The following IGF2BP3 variants were observed in gnomAD, a reference collection of about 807,000 sequenced individuals.
The protein encoded by IGF2BP3 is insulin like growth factor 2 mRNA binding protein 3, also known as insulin-like growth factor 2 mRNA-binding protein 3.
IGF2BP3 carries 9 observed loss-of-function variants against 73.8 expected under a neutral mutation model. The observed-to-expected ratio is 0.12, with a 90% CI of 0.07 to 0.21. The LOEUF is 0.21. Ranked by LOEUF, IGF2BP3 falls within the 10% of genes least tolerant of loss-of-function variation. The pLI, the probability that IGF2BP3 is intolerant of heterozygous loss-of-function variation, is 1.00. For missense variants in IGF2BP3, 542 were observed against 714.0 expected (o/e 0.76, Z 2.75); for synonymous variants, 258 against 256.7 (o/e 1.01, Z -0.05).
At chr7:23,401,370 A>G (rs1380973671) in intron 3 of IGF2BP3, among the ~76,000 whole-genome samples, 1 of 152,188 alleles carries the variant, frequency 6.6e-6, no homozygotes, top group Non-Finnish European at 1.5e-5. Flanking sequence ...GGAGTCTGAT[A>G]ATCCAGGACC....
At chr7:23,332,030 C>A (rs1025737034) in intron 10 of IGF2BP3, among the ~76,000 whole-genome samples, 1 of 151,828 alleles carries the variant, frequency 6.6e-6, no homozygotes, top group African/African-American at 2.4e-5. Flanking sequence ...CACCTTTAAA[C>A]CCTTAGATTT....
At chr7:23,326,444 T>C (rs1324019023) in intron 10 of IGF2BP3, among the ~76,000 whole-genome samples, 2 of 151,374 alleles carry the variant, frequency 1.3e-5, no homozygotes, top group South Asian at 2.1e-4. Flanking sequence ...TGTGGAGAAA[T>C]AGGAACACTT....
chr7:23,454,492 A>G (rs1788270786), intron 2 of IGF2BP3, among the ~76,000 whole-genome samples: 1 of 152,222 alleles, frequency 6.6e-6, no homozygotes, highest in Admixed American at 6.5e-5. Context: ...TGGTAAACAC[A>G]CAAACTTATT....
chr7:23,394,811 A>T (rs988192583), intron 3 of IGF2BP3: 1 of 152,278 alleles, frequency 6.6e-6, no homozygotes, highest in African/African-American at 2.4e-5. Context: ...TTGCTTGTTT[A>T]GTTAAGCAAG....
chr7:23,396,760 A>G lies in IGF2BP3; in HGVS notation c.285+22016T>C, dbSNP rs180965438. Among the ~76,000 whole-genome samples the G allele has an allele frequency of 5.4e-4, 82 of 152,306 alleles. No homozygotes were observed. The East Asian group carries it at 0.011, about 20-fold the overall frequency. ...AGAAAATGTATGCAAAAAGTCCTGA[A>G]GCTAAGAGAAGGATGGGGTTGAGGA... On this transcript the variant is annotated intron_variant, in intron 3 of 14. Transcript: ENST00000258729.
intron 11 of IGF2BP3, 42 bp downstream of exon 11, chr7:23,319,096 C>T: frequency 8.2e-7 from 1 of 1,215,888 alleles, no homozygotes; most frequent in Non-Finnish European, 1.2e-6. Flanking sequence ...ATTTCTGTAA[C>T]TTACTTAAAG....
At chr7:23,430,452 C>T (rs1387896126) in intron 2 of IGF2BP3, among the ~76,000 whole-genome samples, 8 of 152,218 alleles carry the variant, frequency 5.3e-5, no homozygotes. Context: ...AGCCTTATGG[C>T]TCAAAGCAGT....
chr7:23,369,787 T>C (rs1785490119), intron 3 of IGF2BP3, among the ~76,000 whole-genome samples: 1 of 152,074 alleles, frequency 6.6e-6, no homozygotes, highest in African/African-American at 2.4e-5. Context: ...ACATACCAGA[T>C]ATATCCCCAC....
chr7:23,360,522 T>G (rs1785199437), intron 5 of IGF2BP3, among the ~76,000 whole-genome samples: 2 of 152,240 alleles, frequency 1.3e-5, no homozygotes, highest in African/African-American at 4.8e-5. Flanking sequence ...TATGTGCATC[T>G]TCAAATCTTT....
rs1215064597 is a variant in IGF2BP3 at position 23,310,901 on chromosome 7, A to T, written c.*1461T>A. The T allele has an allele frequency of 6.6e-6, 1 of 152,166 alleles. No homozygotes were observed. The highest frequency in any genetic ancestry group is 2.4e-5 in the African/African-American group (1 of 41,442). The allele number at this position is 152,166 out of a possible 1,614,324, so 9.4% of individuals were successfully genotyped here. ...TTCAGAGAGCAGCGTGGCCTTGGAG[A>T]CCACCCACACCCAACACAATTGTAC... On this transcript the variant is annotated 3_prime_UTR_variant, in exon 15 of 15. Coordinates refer to ENST00000258729, the MANE Select transcript of IGF2BP3 (RefSeq NM_006547.3).
chr7:23,434,258 C>T (rs1439149298), intron 2 of IGF2BP3, among the ~76,000 whole-genome samples: 1 of 152,130 alleles, frequency 6.6e-6, no homozygotes, highest in Non-Finnish European at 1.5e-5. Context: ...GTTTTTATTT[C>T]GTATTACTGC....
intron 2 of IGF2BP3, among the ~76,000 whole-genome samples, chr7:23,440,896 C>T (rs1787917172): frequency 6.6e-6 from 1 of 152,160 alleles, no homozygotes; most frequent in Non-Finnish European, 1.5e-5. Flanking sequence ...CAGTTGCAAG[C>T]ATTTGGGATT....
chr7:23,323,189 C>G (rs1405910817), intron 10 of IGF2BP3, among the ~76,000 whole-genome samples: 5 of 152,030 alleles, frequency 3.3e-5, no homozygotes, highest in Middle Eastern at 3.4e-3. Context: ...CACGTGCAGA[C>G]ACACACATAG....
At chr7:23,396,991 CAA>C (rs1270477317) in intron 3 of IGF2BP3, among the ~76,000 whole-genome samples, 1 of 152,088 alleles carries the variant, frequency 6.6e-6, no homozygotes, top group Non-Finnish European at 1.5e-5. Context: ...CACTTTTATC[CAA>C]AGTCTCATAG....
At chr7:23,438,465 A>G (rs1238880987) in intron 2 of IGF2BP3, among the ~76,000 whole-genome samples, 1 of 152,178 alleles carries the variant, frequency 6.6e-6, no homozygotes, top group Non-Finnish European at 1.5e-5. Flanking sequence ...ACATCAACAT[A>G]GATCATTTCA....
intron 6 of IGF2BP3, among the ~76,000 whole-genome samples, chr7:23,350,737 T>C (rs1349594794): frequency 6.6e-6 from 1 of 152,256 alleles, no homozygotes; most frequent in Non-Finnish European, 1.5e-5. Context: ...CTGCTCCTGA[T>C]AATTAGCTCC....
At chr7:23,344,071 A>T (rs1208539461) in intron 8 of IGF2BP3, among the ~76,000 whole-genome samples, 1 of 152,222 alleles carries the variant, frequency 6.6e-6, no homozygotes, top group African/African-American at 2.4e-5. Context: ...CCATTTTCTC[A>T]ACTAACGATT....
intron 3 of IGF2BP3, among the ~76,000 whole-genome samples, chr7:23,367,603 G>A (rs1785416056): frequency 2.0e-5 from 3 of 152,102 alleles, no homozygotes; most frequent in African/African-American, 7.2e-5. Context: ...GGAGGAAGGG[G>A]TATAAATGCA....
At chr7:23,333,681 G>A (rs1454370585) in intron 10 of IGF2BP3, among the ~76,000 whole-genome samples, 2 of 152,280 alleles carry the variant, frequency 1.3e-5, no homozygotes, top group Non-Finnish European at 2.9e-5. Flanking sequence ...TCCTATCCTG[G>A]AATGAAAACA....
Sources: allele counts gnomAD v4.1 joint callset (sites outside exome capture counted in the v4.1 genomes callset), GRCh38; gene constraint gnomAD v4.1.1; transcripts MANE v1.5; gene names NCBI Gene and HGNC (gene_info 2026-07-23, HGNC 2026-07-21).